TOX: variants seen among roughly 807,000 people sequenced by gnomAD.
TOX encodes thymocyte selection associated high mobility group box, also known as thymocyte selection-associated high mobility group box protein TOX.
A neutral mutation model predicts 53.7 loss-of-function variants in TOX; 11 were observed. The observed-to-expected ratio is 0.20, with a 90% CI of 0.13 to 0.34. The LOEUF is 0.34. TOX is among the 10% of genes least tolerant of loss of function. The probability of loss-of-function intolerance (pLI) is 1.00; values close to 1 mark genes in which losing one functional copy is unlikely to be tolerated. For synonymous variants in TOX, 225 were observed against 245.3 expected (o/e 0.92, Z 0.77); for missense variants, 570 against 664.6 (o/e 0.86, Z 1.56).
chr8:59,044,455 C>T (rs1424620904), intron 1 of TOX, among the ~76,000 whole-genome samples: 1 of 152,170 alleles, frequency 6.6e-6, no homozygotes, highest in East Asian at 1.9e-4. Context: ...GTTGAATCCC[C>T]ATCCACATTT....
rs368527326 is a variant in TOX at position 59,118,889 on chromosome 8, G to A, written c.99C>T (p.Asn33=). The A allele has an allele frequency of 7.6e-6, 12 of 1,586,070 alleles. No individual in the cohort carries two copies. In the African/African-American group the frequency reaches 1.7e-4, roughly 22 times the overall value. Residue 33 remains asparagine, a synonymous_variant, in exon 1 of 9, where the codon AAC becomes AAT. Transcript: ENST00000361421. This position sits in a 1 kb window ranked among gnomAD's most constrained non-coding sequence, Gnocchi z 4.1. ...PSPCLDPYYC[N]KFDGENMYMS... ...GAAACAAAAGCAGAGCGTTCACCTT[G>A]TTGCAATAGTAGGGGTCCAGGCAGG...
intron 1 of TOX, among the ~76,000 whole-genome samples, chr8:58,995,840 A>G (rs1400446538): frequency 1.3e-5 from 2 of 152,186 alleles, no homozygotes; most frequent in Admixed American, 1.3e-4. Flanking sequence ...TATCATTTCG[A>G]TTACTTTGTG....
At chr8:59,079,866 G>A (rs1464870151) in intron 1 of TOX, among the ~76,000 whole-genome samples, 2 of 152,220 alleles carry the variant, frequency 1.3e-5, no homozygotes, top group Non-Finnish European at 2.9e-5. Flanking sequence ...TGTGAGAGCA[G>A]CCTCAGGGGC....
At chr8:58,971,996 A>T (rs1813011207) in intron 1 of TOX, among the ~76,000 whole-genome samples, 1 of 152,126 alleles carries the variant, frequency 6.6e-6, no homozygotes, top group African/African-American at 2.4e-5. Flanking sequence ...CAGCCTACAT[A>T]TTATTTTTTA....
In TOX at chr8:59,075,953, C is replaced by T. The variant is rs902444334; in HGVS notation, c.102+42933G>A. 1.3e-4 allele frequency among the ~76,000 whole-genome samples: 19 copies of T among 151,598 alleles called. 1 individual carries two copies. The highest frequency in any genetic ancestry group is 9.2e-4 in the Admixed American group (14 of 15,234). On this transcript the variant is annotated intron_variant, in intron 1 of 8. Coordinates refer to ENST00000361421, the MANE Select transcript of TOX (RefSeq NM_014729.3). ...CCGGGAGGCGGAGGTTGCGGTGAGCCCAGATCGCGCCATTGCACTCCAGCC... is the reference window on the plus strand; with the variant it reads ...CCGGGAGGCGGAGGTTGCGGTGAGCTCAGATCGCGCCATTGCACTCCAGCC...
At chr8:58,889,397 T>A (rs1811525661) in intron 3 of TOX, among the ~76,000 whole-genome samples, 1 of 151,996 alleles carries the variant, frequency 6.6e-6, no homozygotes, top group African/African-American at 2.4e-5. Flanking sequence ...GTGTGTCATC[T>A]TTTGTAAAAG....
intron 1 of TOX, among the ~76,000 whole-genome samples, chr8:59,011,153 A>C (rs1322055774): frequency 6.6e-5 from 10 of 152,258 alleles, no homozygotes; most frequent in Non-Finnish European, 1.5e-5. Flanking sequence ...AATTTATCTA[A>C]AGAACATAAA....
chr8:58,811,743 T>C (rs773499811), intron 7 of TOX, among the ~76,000 whole-genome samples: 1 of 152,186 alleles, frequency 6.6e-6, no homozygotes, highest in Non-Finnish European at 1.5e-5. Flanking sequence ...AGTTGACAGA[T>C]ATTAATGATT....
intron 7 of TOX, 149 bp downstream of exon 7, chr8:58,815,189 G>A (rs1471046646): frequency 2.9e-6 from 3 of 1,035,632 alleles, no homozygotes; most frequent in Non-Finnish European, 3.9e-6. Flanking sequence ...GCAGATATTT[G>A]TTGAATATCT....
At chr8:58,853,502 T>C (rs1292523273) in intron 3 of TOX, among the ~76,000 whole-genome samples, 2 of 152,082 alleles carry the variant, frequency 1.3e-5, no homozygotes, top group African/African-American at 4.8e-5. Flanking sequence ...TAAATAATTA[T>C]AAATGAATAA....
At chr8:58,906,411 C>T (rs748123443) in intron 3 of TOX, among the ~76,000 whole-genome samples, 2 of 152,194 alleles carry the variant, frequency 1.3e-5, no homozygotes, top group Non-Finnish European at 2.9e-5. Flanking sequence ...ATGTAAATTG[C>T]TGTTTGCTGA....
In TOX at chr8:59,118,788, G is replaced by C; in HGVS notation, c.102+98C>G. ...TGCGAGCCGAGCGCGCCCGGGACCG[G>C]CCTCCGCCAAGCCGGCCCCGCCGCG... On this transcript the variant is annotated intron_variant, in intron 1 of 8. Coordinates refer to ENST00000361421, the MANE Select transcript of TOX (RefSeq NM_014729.3). The surrounding 1 kb of genome is among the most constrained non-coding windows in gnomAD (Gnocchi z 4.1). 2.3e-6 allele frequency: 2 copies of C among 862,838 alleles called. No homozygotes were observed. Among genetic ancestry groups the C allele is most frequent in the South Asian group, 3.9e-5 (2 of 51,770 alleles). The allele number at this position is 862,838 out of a possible 1,614,324, so 53.4% of individuals were successfully genotyped here. A position where few individuals can be genotyped will look rare whatever the true frequency, so the allele number is the denominator to read the frequency against.
intron 7 of TOX, among the ~76,000 whole-genome samples, chr8:58,814,819 GGTTAAAATGTTCA>G (rs1163952773): frequency 6.6e-6 from 1 of 152,096 alleles, no homozygotes; most frequent in Non-Finnish European, 1.5e-5. Flanking sequence ...ATAAAACTCT[GGTTAAAATGTTCA>G]GTTCTTAGGA....
In TOX at chr8:58,939,472, G is replaced by T. The variant is rs767316800; in HGVS notation, c.241C>A (p.His81Asn). 2 of 1,614,008 alleles carry T rather than the reference G, an allele frequency of 1.2e-6. No individual in the cohort carries two copies. The highest frequency in any genetic ancestry group is 8.5e-7 in the Non-Finnish European group (1 of 1,180,028). Residue 81 changes from histidine (H) to asparagine (N), a missense_variant, in exon 3 of 9, where the codon CAC (histidine) becomes AAC (asparagine). This residue lies in a region of TOX where 282 missense variants were observed against 315.0 expected (regional missense o/e 0.90). Coordinates refer to ENST00000361421, the MANE Select transcript of TOX (RefSeq NM_014729.3). ...ACTTCATTCAGGTGCACCAGCGAGT[G>T]GTCTGGGAGGGAAGGAGGAGTAATT... ...PPITPPSLPDHSLVHLNEVES... is the reference protein window; with the variant it reads ...PPITPPSLPDNSLVHLNEVES...
At chr8:58,812,710 G>A (rs573316776) in intron 7 of TOX, among the ~76,000 whole-genome samples, 1 of 152,272 alleles carries the variant, frequency 6.6e-6, no homozygotes, top group South Asian at 2.1e-4. Flanking sequence ...ACTCCACGGG[G>A]CAGGGGTCTC....
intron 2 of TOX, among the ~76,000 whole-genome samples, chr8:58,953,862 T>C (rs1206078026): frequency 6.7e-6 from 1 of 149,744 alleles, no homozygotes. Flanking sequence ...AAAGATACCT[T>C]TTTTTTTTGA....
At chr8:59,061,949 T>C (rs972309485) in intron 1 of TOX, among the ~76,000 whole-genome samples, 10 of 152,158 alleles carry the variant, frequency 6.6e-5, no homozygotes, top group African/African-American at 2.2e-4. Context: ...TTTTTATGTA[T>C]TTTCATTGAG....
At chr8:58,989,280 C>T (rs1192875893) in intron 1 of TOX, among the ~76,000 whole-genome samples, 2 of 151,768 alleles carry the variant, frequency 1.3e-5, no homozygotes, top group Admixed American at 6.6e-5. Flanking sequence ...CACGCCACTG[C>T]ACTCCAGCCT....
intron 1 of TOX, among the ~76,000 whole-genome samples, chr8:59,005,896 G>A (rs1192756058): frequency 6.6e-6 from 1 of 152,188 alleles, no homozygotes; most frequent in Non-Finnish European, 1.5e-5. Context: ...CAGTTCTGAT[G>A]CATTTTCTTT....
Sources: allele counts gnomAD v4.1 joint callset (sites outside exome capture counted in the v4.1 genomes callset), GRCh38; gene constraint gnomAD v4.1.1; regional missense constraint gnomAD v4.1.1; non-coding constraint Gnocchi (gnomAD v3.1); transcripts MANE v1.5; gene names NCBI Gene and HGNC (gene_info 2026-07-23, HGNC 2026-07-21).